The following NF1 variants were observed in gnomAD, a reference collection of about 807,000 sequenced individuals.
NF1 encodes the protein neurofibromin 1.
NF1 carries 122 observed loss-of-function variants against 325.7 expected under a neutral mutation model. The observed-to-expected ratio is 0.37, with a 90% CI of 0.32 to 0.44. The LOEUF (loss-of-function observed/expected upper bound fraction) is 0.44, where lower values mean the gene tolerates loss of function less well. Ranked by LOEUF, NF1 falls within the 20% of genes least tolerant of loss-of-function variation. The pLI is 1.00. For missense variants in NF1, 2,140 were observed against 3,415.4 expected (o/e 0.63, Z 9.31); for synonymous variants, 1,091 against 1,186.0 (o/e 0.92, Z 1.65).
At chr17:31,294,490 T>C (rs2068419199) in intron 36 of NF1, 2 of 167,632 alleles carry the variant, frequency 1.2e-5, no homozygotes, top group African/African-American at 4.8e-5. Flanking sequence ...TAACCATTCA[T>C]GGGATGGCAG....
intron 13 of NF1, 143 bp downstream of exon 13, chr17:31,214,728 C>G (rs1282594999): frequency 1.5e-5 from 10 of 661,006 alleles, no homozygotes; most frequent in Non-Finnish European, 2.1e-5. Flanking sequence ...TAAGACGTCT[C>G]TAAGAAAACT....
chr17:31,327,800 T>C lies in NF1; in HGVS notation c.5570T>C (p.Ile1857Thr). 1 of 1,614,168 alleles carries C rather than the reference T, an allele frequency of 6.2e-7. No homozygotes were observed. Among genetic ancestry groups the C allele is most frequent in the Non-Finnish European group, 8.5e-7 (1 of 1,180,026 alleles). ...GATGTCCCTGGGACACTGCTCAATA[T>C]CGCATTACTTAATTTAGGCAGTTCT... The part of the protein sequence containing the change: ...PKDVPGTLLN[I>T]ALLNLGSSDP... The change falls in exon 38 of 58, where the codon ATC becomes ACC. Residue 1857 changes from isoleucine to threonine, a missense_variant. Coordinates refer to ENST00000358273, the MANE Select transcript of NF1 (RefSeq NM_001042492.3).
intron 33 of NF1, 30 bp downstream of exon 33, chr17:31,259,159 C>G: frequency 7.0e-7 from 1 of 1,426,474 alleles, no homozygotes. Context: ...CTCAGTTGCT[C>G]TGTTTGAATC....
chr17:31,171,762 G>A (rs1178584348), intron 5 of NF1, among the ~76,000 whole-genome samples: 4 of 152,168 alleles, frequency 2.6e-5, no homozygotes, highest in Non-Finnish European at 4.4e-5. Context: ...GTAATGAGTA[G>A]TAAAGGTAGT....
At chr17:31,262,457 G>C (rs1213548142) in intron 35 of NF1, among the ~76,000 whole-genome samples, 2 of 152,194 alleles carry the variant, frequency 1.3e-5, no homozygotes, top group African/African-American at 4.8e-5. Flanking sequence ...GTAGTTTGCT[G>C]AATCTTTTAA....
At position 31,320,327 on chromosome 17, in the gene NF1, T is replaced by TA. The variant is rs1184579121; in HGVS notation, c.4836-5492dup. 3 of 1,464,922 alleles carry TA rather than the reference T, an allele frequency of 2.0e-6. No homozygotes were observed. In the Admixed American group the frequency reaches 6.5e-5, roughly 32 times the overall value. The allele number at this position is 1,464,922 out of a possible 1,614,324, so 90.7% of individuals were successfully genotyped here. Reference sequence around the variant, plus strand: ...TATAGAAATTCTTCTCAAATGTACTTAGGAGTCCTTTTATTTAAAAAAAAA... The same window carrying TA: ...TATAGAAATTCTTCTCAAATGTACTTAAGGAGTCCTTTTATTTAAAAAAAAA... On this transcript the variant is annotated intron_variant, in intron 36 of 57. Transcript: ENST00000358273.
intron 49 of NF1, among the ~76,000 whole-genome samples, chr17:31,349,498 G>A (rs144181532): frequency 1.3e-5 from 2 of 152,198 alleles, no homozygotes; most frequent in African/African-American, 4.8e-5. Context: ...CACTACAGTG[G>A]CTCTCTGTTA....
In NF1 at chr17:31,249,079, TC is replaced by T. The variant is rs1135402852; in HGVS notation, c.4076del (p.Pro1359LeufsTer19). Reference sequence around the variant, plus strand: ...GCCATCATCAGTTCCTCCTCAGAATTCCCCCCTCAACTTCGAAGTGTGTGCC... The same window carrying T: ...GCCATCATCAGTTCCTCCTCAGAATTCCCCCTCAACTTCGAAGTGTGTGCC... ...FHAIISSSSE[F>X]PPQLRSVCHC... On this transcript the variant is annotated frameshift_variant, in exon 30 of 58. Transcript: ENST00000358273. LOFTEE classifies it high-confidence loss of function. 1 of 1,614,102 alleles carries T rather than the reference TC, an allele frequency of 6.2e-7. No individual in the cohort carries two copies. Among genetic ancestry groups the T allele is most frequent in the Non-Finnish European group, 8.5e-7 (1 of 1,179,990 alleles).
intron 16 of NF1, among the ~76,000 whole-genome samples, chr17:31,224,090 C>T (rs1486401592): frequency 6.6e-6 from 1 of 151,980 alleles, no homozygotes; most frequent in Non-Finnish European, 1.5e-5. Context: ...TATCAAGAAG[C>T]AAAAGGGAAA....
intron 5 of NF1, among the ~76,000 whole-genome samples, chr17:31,176,703 T>C (rs1173110627): frequency 6.6e-6 from 1 of 152,182 alleles, no homozygotes. Context: ...AAGGAAAGGG[T>C]CCAGTTTCAG....
At chr17:31,147,459 T>C (rs546729648) in intron 1 of NF1, among the ~76,000 whole-genome samples, 1 of 152,358 alleles carries the variant, frequency 6.6e-6, no homozygotes, top group Admixed American at 6.5e-5. Context: ...TATTAACATT[T>C]GGATTGTTCC....
intron 1 of NF1, among the ~76,000 whole-genome samples, chr17:31,155,178 T>A (rs1351930211): frequency 6.6e-6 from 1 of 152,218 alleles, no homozygotes; most frequent in Non-Finnish European, 1.5e-5. Context: ...CAGAGGAACA[T>A]TGCTAGGTTT....
chr17:31,114,402 G>T (rs1200839974), intron 1 of NF1, among the ~76,000 whole-genome samples: 6 of 152,040 alleles, frequency 3.9e-5, no homozygotes, highest in Admixed American at 3.9e-4. Flanking sequence ...GCTGGGCGTG[G>T]TGGCGGGTAC....
At chr17:31,279,786 A>G (rs1476212763) in intron 36 of NF1, among the ~76,000 whole-genome samples, 1 of 152,208 alleles carries the variant, frequency 6.6e-6, no homozygotes, top group Non-Finnish European at 1.5e-5. Flanking sequence ...ATTTCTCCAT[A>G]GTTGTAAAAC....
chr17:31,103,970 A>G (rs1364914460), intron 1 of NF1, among the ~76,000 whole-genome samples: 3 of 152,156 alleles, frequency 2.0e-5, no homozygotes, highest in South Asian at 2.1e-4. Flanking sequence ...GCAGTGAGGC[A>G]TGATTGCACC....
intron 1 of NF1, among the ~76,000 whole-genome samples, chr17:31,108,073 C>A (rs1913032754): frequency 6.6e-6 from 1 of 150,888 alleles, no homozygotes; most frequent in Admixed American, 6.6e-5. Flanking sequence ...GTTGAGCCTG[C>A]AGTGAGTGGT....
chr17:31,239,533 C>A (rs2067257941), intron 29 of NF1, among the ~76,000 whole-genome samples: 1 of 129,226 alleles, frequency 7.7e-6, no homozygotes, highest in African/African-American at 3.6e-5. Flanking sequence ...AGACAAAGAG[C>A]AATACCTAAA....
chr17:31,187,259 C>T (rs1420086101), intron 8 of NF1, among the ~76,000 whole-genome samples: 3 of 152,106 alleles, frequency 2.0e-5, no homozygotes, highest in African/African-American at 4.8e-5. Context: ...AGTGCAGTGG[C>T]GCGATCTCGG....
intron 13 of NF1, among the ~76,000 whole-genome samples, chr17:31,215,704 C>G (rs777399413): frequency 2.0e-5 from 3 of 152,180 alleles, no homozygotes; most frequent in Non-Finnish European, 4.4e-5. Context: ...CATGTTTAAC[C>G]TTTGTTGAGC....
Sources: allele counts gnomAD v4.1 joint callset (sites outside exome capture counted in the v4.1 genomes callset), GRCh38; gene constraint gnomAD v4.1.1; transcripts MANE v1.5; gene names NCBI Gene and HGNC (gene_info 2026-07-23, HGNC 2026-07-21).